The following TRAF3IP3 variants were observed in gnomAD, a reference collection of about 807,000 sequenced individuals.
TRAF3IP3 encodes the protein TRAF3-interacting JNK-activating modulator.
In TRAF3IP3, 64 loss-of-function variants were observed where a neutral mutation model predicts 86.5. The ratio of observed to expected loss-of-function variants is 0.74; its 90% CI spans 0.60 to 0.91. The LOEUF (loss-of-function observed/expected upper bound fraction) is 0.91. TRAF3IP3 is among the 40% of genes least tolerant of loss of function. The pLI, the probability that TRAF3IP3 is intolerant of heterozygous loss-of-function variation, is 0.00. For missense variants in TRAF3IP3, 579 were observed against 642.9 expected, an observed-to-expected ratio of 0.90 and a Z score of 1.07; for synonymous variants, 220 against 243.9, an observed-to-expected ratio of 0.90 and a Z score of 0.91.
rs544409377 is a variant in TRAF3IP3 at position 209,773,223 on chromosome 1, C to T, written c.774+204C>T. ...TCTCCATCCTTCTTCCTCTCCCTTT[C>T]TCCCAGTATCCTTCTCTTTGCACCC... On this transcript the variant is annotated intron_variant, in intron 9 of 16. Coordinates refer to ENST00000367025, the MANE Select transcript of TRAF3IP3 (RefSeq NM_025228.4). 5.9e-5 allele frequency among the ~76,000 whole-genome samples: 9 copies of T among 152,318 alleles called. No individual in the cohort carries two copies. In the South Asian group the frequency reaches 1.7e-3, roughly 28 times the overall value.
intron 8 of TRAF3IP3, among the ~76,000 whole-genome samples, chr1:209,770,419 G>A (rs1304504491): frequency 6.7e-6 from 1 of 150,170 alleles, no homozygotes; most frequent in African/African-American, 2.5e-5. Context: ...GTGTGTGTGT[G>A]CATGTGGAGG....
intron 12 of TRAF3IP3, chr1:209,777,811 T>C (rs570300116): frequency 3.8e-6 from 2 of 522,504 alleles, no homozygotes; most frequent in Middle Eastern, 4.9e-4. Context: ...GAAAGGTCAG[T>C]TGAAACACAA....
At chr1:209,777,218 T>C in intron 11 of TRAF3IP3, 134 bp from the exon 12 acceptor site, 1 of 683,592 alleles carries the variant, frequency 1.5e-6, no homozygotes, top group African/African-American at 1.8e-5. Flanking sequence ...TTCTCTATTT[T>C]CTCATCTCCC....
intron 8 of TRAF3IP3, among the ~76,000 whole-genome samples, chr1:209,771,091 T>C (rs1192597316): frequency 1.4e-5 from 2 of 140,486 alleles, no homozygotes; most frequent in Non-Finnish European, 1.5e-5. Flanking sequence ...GGTGTGTGTG[T>C]GCAGGTGGAA....
At chr1:209,773,866 C>T (rs2077597280) in intron 9 of TRAF3IP3, among the ~76,000 whole-genome samples, 1 of 152,176 alleles carries the variant, frequency 6.6e-6, no homozygotes, top group South Asian at 2.1e-4. Context: ...TAGGGAATAA[C>T]ACATAACCAG....
rs1293180041 is a variant in TRAF3IP3, at chr1:209,771,503, G to A, written c.703-1445G>A. ...TGGAGGTGTGCGTGTGCATGTGAAGGTGTGTGTGAAGGTGTGTGTGTGCAG... is the reference window on the plus strand; with the variant it reads ...TGGAGGTGTGCGTGTGCATGTGAAGATGTGTGTGAAGGTGTGTGTGTGCAG... On this transcript the variant is annotated intron_variant, in intron 8 of 16. Transcript: ENST00000367025. Among the ~76,000 whole-genome samples the A allele has an allele frequency of 1.1e-4, 4 of 37,084 alleles. No homozygotes were observed. In the South Asian group the frequency reaches 2.4e-3, roughly 22 times the overall value. 24.3% of individuals were successfully genotyped at this position (37,084 alleles called of 152,430 possible).
chr1:209,770,779 AG>A (rs2077469653), intron 8 of TRAF3IP3, among the ~76,000 whole-genome samples: 6 of 54,850 alleles, frequency 1.1e-4, no homozygotes, highest in East Asian at 7.6e-4. Context: ...GTGCCTATGG[AG>A]GTGTGTGTGT....
intron 8 of TRAF3IP3, chr1:209,768,532 C>G (rs1458052455): frequency 1.0e-6 from 1 of 985,490 alleles, no homozygotes; most frequent in African/African-American, 1.7e-5. Context: ...TAAGCAACCT[C>G]TACTAGAGCA....
chr1:209,756,463 G>T (rs1558210888), intron 1 of TRAF3IP3, among the ~76,000 whole-genome samples, 154 bp downstream of exon 1: 1 of 152,234 alleles, frequency 6.6e-6, no homozygotes, highest in Non-Finnish European at 1.5e-5. Flanking sequence ...AAAGTATCCT[G>T]TATTGGTTTC....
chr1:209,760,680 C>T (rs1185950446), intron 3 of TRAF3IP3, among the ~76,000 whole-genome samples: 1 of 152,158 alleles, frequency 6.6e-6, no homozygotes, highest in East Asian at 1.9e-4. Flanking sequence ...TACCTGTAAT[C>T]CCAGTACTTT....
Position 209,762,720 on chromosome 1 carries a change from C to T in TRAF3IP3, c.493+58C>T. The T allele has an allele frequency of 3.3e-6, 4 of 1,194,548 alleles. 1 individual carries two copies. The highest frequency in any genetic ancestry group is 4.3e-6 in the Non-Finnish European group (4 of 931,054). 74.0% of individuals were successfully genotyped at this position (1,194,548 alleles called of 1,614,324 possible). A position where few individuals can be genotyped will look rare whatever the true frequency, so the allele number is the denominator to read the frequency against. ...CTGCAGAGAATCCTGAGACAACTGT[C>T]CCAGCTCACTGGCAATGGAGAGTCC... On this transcript the variant is annotated intron_variant, in intron 4 of 16. Transcript: ENST00000367025.
chr1:209,759,922 A>G (rs1475802085), intron 2 of TRAF3IP3, 60 bp from the exon 3 acceptor site: 5 of 774,730 alleles, frequency 6.5e-6, no homozygotes, highest in African/African-American at 3.5e-5. Flanking sequence ...CTAGGGAGAT[A>G]GTCATTTTTC....
Position 209,765,178 on chromosome 1 carries a change from G to GGAGAGAGAGAGAGAGAGAGAGA in TRAF3IP3, c.702+1605_702+1626dup, listed in dbSNP as rs375415223. The stretch of plus-strand genomic sequence containing the variant: ...TGACAGAGCAGGACTCTGAGAGACA[G>GGAGAGAGAGAGAGAGAGAGAGA]GAGAGAGAGAGAGAGAGAGAGAGAG... On this transcript the variant is annotated intron_variant, in intron 8 of 16. Coordinates refer to ENST00000367025, the MANE Select transcript of TRAF3IP3 (RefSeq NM_025228.4). Among the ~76,000 whole-genome samples the GGAGAGAGAGAGAGAGAGAGAGA allele has an allele frequency of 1.8e-4, 16 of 87,878 alleles. 1 individual carries two copies. The Admixed American group carries it at 1.8e-3, about 10-fold the overall frequency. 57.7% of individuals were successfully genotyped at this position (87,878 alleles called of 152,430 possible).
chr1:209,780,648 T>TTGC (rs749115404), intron 15 of TRAF3IP3, 42 bp downstream of exon 15: 4 of 1,468,590 alleles, frequency 2.7e-6, no homozygotes. Flanking sequence ...ATTTGCGAAA[T>TTGC]AGCAGAGAAA....
chr1:209,771,153 AAGGTTGTGTGCATGTGG>A (rs2077499720), intron 8 of TRAF3IP3, among the ~76,000 whole-genome samples: 1 of 88,676 alleles, frequency 1.1e-5, no homozygotes, highest in African/African-American at 4.5e-5. Context: ...TGTGCATGTG[AAGGTTGTGTGCATGTGG>A]AGGTGTGCGT....
In TRAF3IP3 at chr1:209,760,252, G is replaced by A; in HGVS notation, c.213G>A (p.Leu71=). ...AGCAGTTCTTCAGGAGGAGGAACCT[G>A]GAGCTAGAGGAGAAGGGCAAAGCGC... is the stretch of plus-strand genomic sequence containing the variant. ...RLQQFFRRRN[L]ELEEKGKAQH... is the part of the protein sequence containing the mutation. Residue 71 remains leucine, a synonymous_variant, in exon 3 of 17, where the codon CTG becomes CTA. Coordinates refer to ENST00000367025, the MANE Select transcript of TRAF3IP3 (RefSeq NM_025228.4). 1.9e-6 allele frequency: 3 copies of A among 1,614,246 alleles called. No individual in the cohort carries two copies. Among genetic ancestry groups the A allele is most frequent in the Non-Finnish European group, 2.5e-6 (3 of 1,180,040 alleles).
At chr1:209,763,000 T>A (rs1312807006) in intron 5 of TRAF3IP3, 68 bp from the exon 6 acceptor site, 1 of 1,594,348 alleles carries the variant, frequency 6.3e-7, no homozygotes, top group African/African-American at 1.3e-5. Flanking sequence ...TCAGAAGGAA[T>A]CAACCCACTG....
chr1:209,763,357 C>T lies in TRAF3IP3; in HGVS notation c.577-6C>T. On this transcript the variant is annotated splice_region_variant and splice_polypyrimidine_tract_variant and intron_variant, in intron 6 of 16. Transcript: ENST00000367025. ...CATTTTGAATACCCTTGTTCTTTCTCTCCAGGAAATCATCCAGCTTTCTGA... is the reference window on the plus strand; with the variant it reads ...CATTTTGAATACCCTTGTTCTTTCTTTCCAGGAAATCATCCAGCTTTCTGA... The T allele has an allele frequency of 6.2e-7, 1 of 1,613,176 alleles. No homozygotes were observed. Among genetic ancestry groups the T allele is most frequent in the Non-Finnish European group, 8.5e-7 (1 of 1,179,908 alleles).
At chr1:209,775,936 C>T in intron 11 of TRAF3IP3, 200 bp downstream of exon 11, 1 of 527,752 alleles carries the variant, frequency 1.9e-6, no homozygotes. Context: ...GTCTGCATTG[C>T]TCATGCAAAT....
Sources: gnomAD v4.1 joint callset for allele counts (sites outside exome capture counted in the v4.1 genomes callset) on GRCh38, gnomAD v4.1.1 for gene constraint, MANE v1.5 for transcripts, NCBI Gene and HGNC (gene_info 2026-07-23, HGNC 2026-07-21) for gene names.